The following CHRM3 variants were observed in gnomAD, a reference collection of about 807,000 sequenced individuals.
CHRM3 encodes the protein muscarinic acetylcholine receptor M3.
A neutral mutation model predicts 41.8 loss-of-function variants in CHRM3; 11 were observed. That is an observed-to-expected ratio of 0.26 (90% CI 0.17 to 0.44). CHRM3 has a LOEUF of 0.44. CHRM3 is among the 20% of genes least tolerant of loss of function. The pLI, the probability that CHRM3 is intolerant of heterozygous loss-of-function variation, is 1.00. For missense variants in CHRM3, 571 were observed against 745.4 expected (o/e 0.77, Z 2.72); for synonymous variants, 297 against 301.4 (o/e 0.99, Z 0.15).
intron 2 of CHRM3, among the ~76,000 whole-genome samples, chr1:239,535,265 A>T (rs1410964226): frequency 6.6e-6 from 1 of 152,106 alleles, no homozygotes; most frequent in Non-Finnish European, 1.5e-5. Flanking sequence ...TGTGGACTTA[A>T]ACTCACTTGG....
chr1:239,751,270 C>CT, intron 5 of CHRM3, among the ~76,000 whole-genome samples: 1 of 149,984 alleles, frequency 6.7e-6, no homozygotes, highest in Admixed American at 6.7e-5. Flanking sequence ...AAAAGGACTT[C>CT]TTTGGGATTT....
chr1:239,546,717 A>G (rs1033140143), intron 3 of CHRM3: 5 of 152,172 alleles, frequency 3.3e-5, no homozygotes, highest in African/African-American at 1.2e-4. Flanking sequence ...GCTTCTCTCC[A>G]TCGTGTTTAC....
intron 5 of CHRM3, chr1:239,707,246 C>A (rs1158228640): frequency 4.0e-5 from 6 of 151,874 alleles, no homozygotes; most frequent in African/African-American, 1.2e-4. Context: ...TTTTAATAAC[C>A]AAAAAGATTC....
At chr1:239,534,201 G>A (rs1393911070) in intron 2 of CHRM3, among the ~76,000 whole-genome samples, 1 of 152,138 alleles carries the variant, frequency 6.6e-6, no homozygotes, top group Non-Finnish European at 1.5e-5. Context: ...GGTGGCAGAT[G>A]CCTGTAATGC....
chr1:239,589,764 T>A (rs1663899403), intron 3 of CHRM3, among the ~76,000 whole-genome samples: 1 of 149,836 alleles, frequency 6.7e-6, no homozygotes, highest in South Asian at 2.1e-4. Context: ...CAAAAAGATG[T>A]CTACACAGGT....
chr1:239,730,395 TCCTA>T (rs1245531908), intron 5 of CHRM3: 1 of 151,930 alleles, frequency 6.6e-6, no homozygotes, highest in African/African-American at 2.4e-5. Flanking sequence ...GCAATGCAGC[TCCTA>T]CCTTTCATGT....
At chr1:239,714,430 T>C (rs1172620639) in intron 5 of CHRM3, among the ~76,000 whole-genome samples, 1 of 152,150 alleles carries the variant, frequency 6.6e-6, no homozygotes, top group East Asian at 1.9e-4. Context: ...ACGTTTCTTC[T>C]TGGAAGGTCC....
At chr1:239,885,627 C>G (rs1037270781) in intron 6 of CHRM3, among the ~76,000 whole-genome samples, 4 of 152,148 alleles carry the variant, frequency 2.6e-5, no homozygotes, top group Admixed American at 6.5e-5. Context: ...TGACTTTCTG[C>G]AAGTGTACTT....
At chr1:239,590,531 T>C (rs1402813671) in intron 3 of CHRM3, among the ~76,000 whole-genome samples, 1 of 152,200 alleles carries the variant, frequency 6.6e-6, no homozygotes, top group Non-Finnish European at 1.5e-5. Context: ...TAAGATGAAC[T>C]TTTATAATTT....
chr1:239,859,885 A>G (rs978779263), intron 6 of CHRM3, among the ~76,000 whole-genome samples: 1 of 147,262 alleles, frequency 6.8e-6, no homozygotes, highest in African/African-American at 2.5e-5. Flanking sequence ...TAGTATTATT[A>G]TACGTAAAGC....
intron 5 of CHRM3, among the ~76,000 whole-genome samples, chr1:239,716,599 T>G (rs1175754760): frequency 6.6e-6 from 1 of 152,034 alleles, no homozygotes; most frequent in Non-Finnish European, 1.5e-5. Flanking sequence ...ACAGTGTGAC[T>G]CTCAAAAGAG....
At chr1:239,618,631 T>C (rs960422747) in intron 3 of CHRM3, among the ~76,000 whole-genome samples, 3 of 151,380 alleles carry the variant, frequency 2.0e-5, no homozygotes, top group Non-Finnish European at 2.9e-5. Flanking sequence ...GATCACGAGG[T>C]CAGGAGATCG....
chr1:239,799,581 TA>T (rs1334384468), intron 5 of CHRM3, among the ~76,000 whole-genome samples: 4 of 152,306 alleles, frequency 2.6e-5, no homozygotes, highest in African/African-American at 7.2e-5. Context: ...ACTTTGCCAC[TA>T]TTGTCACTTT....
At chr1:239,793,803 A>ATTTTTTTTTTTTTTTTTTTTTT (rs67460907) in intron 5 of CHRM3, among the ~76,000 whole-genome samples, 4 of 69,492 alleles carry the variant, frequency 5.8e-5, no homozygotes, top group African/African-American at 2.5e-4. Context: ...TGAAATGTGT[A>ATTTTTTTTTTTTTTTTTTTTTT]TTTTTTTTTT....
At chr1:239,863,711 G>C (rs561793051) in intron 6 of CHRM3, among the ~76,000 whole-genome samples, 63 of 151,802 alleles carry the variant, frequency 4.2e-4, no homozygotes, top group Middle Eastern at 3.4e-3. Flanking sequence ...AAGAAAGAAG[G>C]TGGGGGGAAG....
At chr1:239,832,582 G>A (rs995553504) in intron 6 of CHRM3, among the ~76,000 whole-genome samples, 8 of 151,974 alleles carry the variant, frequency 5.3e-5, no homozygotes, top group African/African-American at 1.7e-4. Flanking sequence ...GGGCAAGTCC[G>A]CAGTGCAAAG....
At chr1:239,605,466 A>G (rs1666134544) in intron 3 of CHRM3, among the ~76,000 whole-genome samples, 1 of 152,216 alleles carries the variant, frequency 6.6e-6, no homozygotes, top group African/African-American at 2.4e-5. Flanking sequence ...GTTCCCATAA[A>G]GAGGAAATCA....
intron 3 of CHRM3, among the ~76,000 whole-genome samples, chr1:239,584,337 C>G (rs1358421040): frequency 6.6e-6 from 1 of 152,042 alleles, no homozygotes; most frequent in Non-Finnish European, 1.5e-5. Context: ...CACCTGATCT[C>G]AAGTGATCTG....
chr1:239,483,303 C>T (rs1472174966), intron 1 of CHRM3, among the ~76,000 whole-genome samples: 1 of 152,172 alleles, frequency 6.6e-6, no homozygotes, highest in Admixed American at 6.5e-5. Context: ...CTCTCATTGT[C>T]ATAAGCTCTC....
Sources: gnomAD v4.1 joint callset for allele counts (sites outside exome capture counted in the v4.1 genomes callset) on GRCh38, gnomAD v4.1.1 for gene constraint, MANE v1.5 for transcripts, NCBI Gene and HGNC (gene_info 2026-07-23, HGNC 2026-07-21) for gene names.